Variants in SGTA observed in about 807,000 individuals in gnomAD.
The protein encoded by SGTA is small glutamine-rich tetratricopeptide repeat-containing protein alpha.
SGTA carries 22 observed loss-of-function variants against 44.3 expected under a neutral mutation model. That is an observed-to-expected ratio of 0.50 (90% CI 0.36 to 0.71). The LOEUF is 0.71. Ranked by LOEUF, SGTA falls within the 30% of genes least tolerant of loss-of-function variation. SGTA has a pLI of 0.00. For missense variants in SGTA, 341 were observed against 435.9 expected (o/e 0.78, Z 1.94); for synonymous variants, 174 against 177.6 (o/e 0.98, Z 0.16).
chr19:2,781,578 C>T (rs1915576320), intron 1 of SGTA, among the ~76,000 whole-genome samples: 1 of 152,168 alleles, frequency 6.6e-6, no homozygotes. Context: ...AATCCTCACA[C>T]ACCTGAGGTG....
intron 1 of SGTA, among the ~76,000 whole-genome samples, chr19:2,781,424 A>C (rs1286027791): frequency 6.6e-6 from 1 of 152,224 alleles, no homozygotes; most frequent in African/African-American, 2.4e-5. Context: ...GCAACTGTTC[A>C]ACTGTGCCTT....
chr19:2,759,583 A>T (rs1914928928), intron 8 of SGTA: 1 of 440,196 alleles, frequency 2.3e-6, no homozygotes, highest in African/African-American at 2.0e-5. Context: ...TGCTGTGTGG[A>T]GGCGTTTTGG....
At chr19:2,768,651 C>T (rs1915216502) in intron 2 of SGTA, among the ~76,000 whole-genome samples, 2 of 152,220 alleles carry the variant, frequency 1.3e-5, no homozygotes, top group African/African-American at 2.4e-5. Context: ...GACACACACA[C>T]ACTGGGTGGT....
At chr19:2,779,827 C>T (rs890905238) in intron 1 of SGTA, among the ~76,000 whole-genome samples, 2 of 152,182 alleles carry the variant, frequency 1.3e-5, no homozygotes, top group Admixed American at 6.5e-5. Flanking sequence ...AATCCCAGCA[C>T]TTTGGGAGGC....
At chr19:2,762,284 C>A (rs144685084) in intron 7 of SGTA, among the ~76,000 whole-genome samples, 2 of 152,194 alleles carry the variant, frequency 1.3e-5, no homozygotes, top group Non-Finnish European at 2.9e-5. Context: ...TCAGCCTCCG[C>A]GGGCAGCCCT....
rs59384723 is a variant in SGTA, at chr19:2,762,782, T to C, written c.498-138A>G. The C allele has an allele frequency of 0.013, 12,781 of 996,462 alleles. 948 individuals carry two copies. In the African/African-American group the frequency reaches 0.17, roughly 13 times the overall value. The allele number at this position is 996,462 out of a possible 1,614,324, so 61.7% of individuals were successfully genotyped here. ...CACCCCCTGCCCGCTGTCAGCTCAG[T>C]GGAGACAAACCTGGCTTTCGAGGGG... On this transcript the variant is annotated intron_variant, in intron 6 of 11. Coordinates refer to ENST00000221566, the MANE Select transcript of SGTA (RefSeq NM_003021.4).
Position 2,755,147 on chromosome 19 carries a change from C to T in SGTA, c.*793G>A, listed in dbSNP as rs111435425. On this transcript the variant is annotated 3_prime_UTR_variant, in exon 12 of 12. Transcript: ENST00000221566. This position sits in a 1 kb window ranked among gnomAD's most constrained non-coding sequence, Gnocchi z 5.2. ...GAAGGACAGCAGGATGGGACACAGACAGAAACGGCCCAGCTGCCTTCCCTG... is the reference window on the plus strand; with the variant it reads ...GAAGGACAGCAGGATGGGACACAGATAGAAACGGCCCAGCTGCCTTCCCTG... The T allele has an allele frequency of 4.4e-4, 67 of 153,114 alleles. 1 individual carries two copies. The highest frequency in any genetic ancestry group is 1.2e-3 in the South Asian group (6 of 4,850). 9.5% of individuals were successfully genotyped at this position (153,114 alleles called of 1,614,324 possible).
At chr19:2,775,030 C>T (rs1248065883) in intron 1 of SGTA, among the ~76,000 whole-genome samples, 2 of 152,204 alleles carry the variant, frequency 1.3e-5, no homozygotes, top group African/African-American at 2.4e-5. Flanking sequence ...GAGGATGATC[C>T]GGCCTCAACA....
Position 2,755,806 on chromosome 19 carries a change from C to A in SGTA, c.*134G>T, listed in dbSNP as rs1241971375. 5.1e-6 allele frequency: 5 copies of A among 985,376 alleles called. No homozygotes were observed. The highest frequency in any genetic ancestry group is 1.7e-5 in the African/African-American group (1 of 57,208). 61.0% of individuals were successfully genotyped at this position (985,376 alleles called of 1,614,324 possible). A position where few individuals can be genotyped will look rare whatever the true frequency, so the allele number is the denominator to read the frequency against. ...AGGGCAGAGATAAAAGGGGAAAATC[C>A]ATCTTGACATGCAGGTCCGAGGTCT... On this transcript the variant is annotated 3_prime_UTR_variant, in exon 12 of 12. Transcript: ENST00000221566. The surrounding 1 kb of genome is among the most constrained non-coding windows in gnomAD (Gnocchi z 5.2).
intron 4 of SGTA, among the ~76,000 whole-genome samples, chr19:2,766,842 G>A (rs1054957797): frequency 3.3e-5 from 5 of 152,046 alleles, no homozygotes; most frequent in South Asian, 4.2e-4. Context: ...GGGTGGAACC[G>A]GCGGGTCTCA....
At chr19:2,774,131 T>C (rs893679113) in intron 1 of SGTA, among the ~76,000 whole-genome samples, 2 of 152,198 alleles carry the variant, frequency 1.3e-5, no homozygotes, top group Non-Finnish European at 2.9e-5. Context: ...AGCTGCCTGG[T>C]CTATGGCACT....
chr19:2,765,158 C>G lies in SGTA; in HGVS notation c.392+28G>C. On this transcript the variant is annotated intron_variant, in intron 5 of 11. Coordinates refer to ENST00000221566, the MANE Select transcript of SGTA (RefSeq NM_003021.4). The surrounding 1 kb of genome is among the most constrained non-coding windows in gnomAD (Gnocchi z 5.5). ...AGGACGCCCCCGCACCCGGCCGCCC[C>G]TGCCCTGGGCAGGCCCTGAGCTGGT... 2 of 1,585,072 alleles carry G rather than the reference C, an allele frequency of 1.3e-6. No homozygotes were observed. Among genetic ancestry groups the G allele is most frequent in the Non-Finnish European group, 1.7e-6 (2 of 1,153,850 alleles).
In SGTA at chr19:2,763,730, G is replaced by A. The variant is rs747806411; in HGVS notation, c.420C>T (p.Asn140=). 42 of 1,613,704 alleles carry A rather than the reference G, an allele frequency of 2.6e-5. No homozygotes were observed. Among genetic ancestry groups the A allele is most frequent in the Non-Finnish European group, 3.3e-5 (39 of 1,179,950 alleles). Reference sequence around the variant, plus strand: ...CACAGTCCTGCACCGCGCCTGCGTAGTTGCCGAGTTTGCTGTAGGCTGCGG... The same window carrying A: ...CACAGTCCTGCACCGCGCCTGCGTAATTGCCGAGTTTGCTGTAGGCTGCGG... ...NRAAAYSKLG[N]YAGAVQDCER... is the part of the protein sequence containing the mutation. The change falls in exon 6 of 12, where the codon AAC becomes AAT. Residue 140 remains asparagine (N), a synonymous_variant. Transcript: ENST00000221566. This position sits in a 1 kb window ranked among gnomAD's most constrained non-coding sequence, Gnocchi z 5.8.
intron 1 of SGTA, among the ~76,000 whole-genome samples, chr19:2,779,886 A>G (rs1254352737): frequency 2.0e-5 from 3 of 152,184 alleles, no homozygotes; most frequent in Admixed American, 2.0e-4. Flanking sequence ...CAGCTTGGGC[A>G]ATACAGTGTA....
At chr19:2,769,719 T>C (rs1254258987) in intron 1 of SGTA, among the ~76,000 whole-genome samples, 1 of 151,530 alleles carries the variant, frequency 6.6e-6, no homozygotes, top group Non-Finnish European at 1.5e-5. Context: ...CTGGGAGGCC[T>C]ACCTACCTCA....
At chr19:2,781,683 G>A (rs1306243959) in intron 1 of SGTA, among the ~76,000 whole-genome samples, 1 of 151,850 alleles carries the variant, frequency 6.6e-6, no homozygotes, top group South Asian at 2.1e-4. Flanking sequence ...TGAAAATGAG[G>A]AGTTCTGAAC....
At chr19:2,762,952 G>A (rs1288349876) in intron 6 of SGTA, among the ~76,000 whole-genome samples, 1 of 152,212 alleles carries the variant, frequency 6.6e-6, no homozygotes, top group African/African-American at 2.4e-5. Flanking sequence ...CAGGAAATGC[G>A]TGGATGTTGT....
At chr19:2,776,677 G>C (rs1915452297) in intron 1 of SGTA, among the ~76,000 whole-genome samples, 1 of 152,166 alleles carries the variant, frequency 6.6e-6, no homozygotes, top group South Asian at 2.1e-4. Context: ...TGATTAAGAT[G>C]GTAATTTTTG....
intron 9 of SGTA, among the ~76,000 whole-genome samples, chr19:2,758,891 C>A (rs908665282): frequency 1.3e-5 from 2 of 152,196 alleles, no homozygotes; most frequent in Admixed American, 1.3e-4. Flanking sequence ...CCAAAGTTCA[C>A]GCAGTGTGTG....
Sources: allele counts gnomAD v4.1 joint callset (sites outside exome capture counted in the v4.1 genomes callset), GRCh38; gene constraint gnomAD v4.1.1; non-coding constraint Gnocchi (gnomAD v3.1); transcripts MANE v1.5; gene names NCBI Gene and HGNC (gene_info 2026-07-23, HGNC 2026-07-21).